Variants in EDIL3 observed in about 807,000 individuals in gnomAD.
The protein encoded by EDIL3 is EGF-like repeat and discoidin I-like domain-containing protein 3.
A neutral mutation model predicts 67.4 loss-of-function variants in EDIL3; 37 were observed. That is an observed-to-expected ratio of 0.55 (90% confidence interval 0.42 to 0.72). EDIL3 has a LOEUF of 0.72. Among genes scored for constraint, EDIL3 ranks in the 30% least tolerant of loss-of-function variants. EDIL3 has a pLI of 0.00. For synonymous variants in EDIL3, 195 were observed against 196.3 expected, an observed-to-expected ratio of 0.99 and a Z score of 0.05; for missense variants, 527 against 586.3, an observed-to-expected ratio of 0.90 and a Z score of 1.04.
chr5:84,165,217 C>T (rs1748683876), intron 4 of EDIL3, among the ~76,000 whole-genome samples: 1 of 152,052 alleles, frequency 6.6e-6, no homozygotes, highest in Admixed American at 6.6e-5. Context: ...ACTTTATAAT[C>T]TAATATGTAC....
intron 6 of EDIL3, among the ~76,000 whole-genome samples, chr5:84,078,025 A>G (rs1467332082): frequency 6.6e-6 from 1 of 152,220 alleles, no homozygotes; most frequent in Admixed American, 6.5e-5. Flanking sequence ...ATGGCAAAAC[A>G]AAAATATCAA....
At chr5:84,003,485 A>G (rs1745365806) in intron 9 of EDIL3, among the ~76,000 whole-genome samples, 3 of 152,174 alleles carry the variant, frequency 2.0e-5, no homozygotes, top group Non-Finnish European at 4.4e-5. Context: ...CATGGCTGCA[A>G]ATGCGAGGAA....
intron 4 of EDIL3, among the ~76,000 whole-genome samples, chr5:84,141,493 A>G (rs1323025409): frequency 1.4e-5 from 2 of 147,042 alleles, no homozygotes; most frequent in South Asian, 4.2e-4. Context: ...TCATAATTAT[A>G]TATATTATAT....
intron 3 of EDIL3, among the ~76,000 whole-genome samples, chr5:84,220,068 C>G (rs1280356925): frequency 6.6e-6 from 1 of 151,962 alleles, no homozygotes; most frequent in African/African-American, 2.4e-5. Context: ...TAACTGCAGT[C>G]AACAATAATT....
At chr5:84,270,384 T>C (rs896088879) in intron 1 of EDIL3, among the ~76,000 whole-genome samples, 1 of 152,204 alleles carries the variant, frequency 6.6e-6, no homozygotes, top group African/African-American at 2.4e-5. Context: ...ACATTGCAGA[T>C]GTGAAATATT....
intron 3 of EDIL3, among the ~76,000 whole-genome samples, chr5:84,198,010 G>A (rs1480216560): frequency 1.3e-5 from 2 of 152,050 alleles, no homozygotes; most frequent in Non-Finnish European, 2.9e-5. Context: ...GTAGGAGGTA[G>A]TGTAATAGGA....
intron 1 of EDIL3, among the ~76,000 whole-genome samples, chr5:84,334,773 T>C (rs1309799225): frequency 2.0e-5 from 3 of 152,154 alleles, no homozygotes; most frequent in Admixed American, 6.6e-5. Context: ...CCTAAAGTCA[T>C]ATCTTCTTTT....
chr5:84,346,132 T>TTC (rs1747234015), intron 1 of EDIL3, among the ~76,000 whole-genome samples: 3 of 134,448 alleles, frequency 2.2e-5, no homozygotes, highest in African/African-American at 8.1e-5. Context: ...AAACTTTTTT[T>TTC]TTCTTTTTTT....
intron 3 of EDIL3, among the ~76,000 whole-genome samples, chr5:84,218,944 A>G (rs748142542): frequency 2.0e-5 from 3 of 152,326 alleles, no homozygotes; most frequent in East Asian, 1.9e-4. Context: ...CCCTGAAGCA[A>G]ACGACACAAG....
chr5:84,245,172 T>C (rs1744884626), intron 2 of EDIL3, among the ~76,000 whole-genome samples: 1 of 152,218 alleles, frequency 6.6e-6, no homozygotes, highest in Non-Finnish European at 1.5e-5. Flanking sequence ...ATACGCCTAG[T>C]TCTAGTTTAC....
At chr5:84,218,788 G>A (rs1216178811) in intron 3 of EDIL3, among the ~76,000 whole-genome samples, 1 of 152,210 alleles carries the variant, frequency 6.6e-6, no homozygotes, top group South Asian at 2.1e-4. Flanking sequence ...TACTCACTGT[G>A]AGCCTGGGGC....
chr5:84,014,607 T>C (rs1361849075), intron 9 of EDIL3, among the ~76,000 whole-genome samples: 1 of 152,184 alleles, frequency 6.6e-6, no homozygotes, highest in Non-Finnish European at 1.5e-5. Flanking sequence ...ATCATGCCAC[T>C]GCACTCCAGC....
At chr5:83,970,663 A>G (rs1170314877) in intron 9 of EDIL3, among the ~76,000 whole-genome samples, 1 of 142,554 alleles carries the variant, frequency 7.0e-6, no homozygotes, top group Admixed American at 7.0e-5. Context: ...ATATATATAT[A>G]TATATATATA....
intron 2 of EDIL3, among the ~76,000 whole-genome samples, chr5:84,241,768 A>G (rs1282190393): frequency 1.3e-5 from 2 of 151,880 alleles, no homozygotes; most frequent in East Asian, 3.9e-4. Flanking sequence ...GACTAAAATG[A>G]TGAAAGAATA....
At chr5:84,086,670 A>G (rs978305202) in intron 6 of EDIL3, among the ~76,000 whole-genome samples, 1 of 152,144 alleles carries the variant, frequency 6.6e-6, no homozygotes, top group African/African-American at 2.4e-5. Context: ...GCACTATCAT[A>G]TTCTGCCTTG....
intron 6 of EDIL3, among the ~76,000 whole-genome samples, chr5:84,075,179 T>A (rs1746827297): frequency 6.7e-6 from 1 of 150,104 alleles, no homozygotes; most frequent in South Asian, 2.1e-4. Flanking sequence ...AATGGGAGCA[T>A]CACACTCTGG....
At chr5:83,977,031 A>G (rs1744887660) in intron 9 of EDIL3, among the ~76,000 whole-genome samples, 1 of 151,780 alleles carries the variant, frequency 6.6e-6, no homozygotes, top group Non-Finnish European at 1.5e-5. Flanking sequence ...GGCTTTTAAA[A>G]TCAGTGTGAG....
intron 3 of EDIL3, among the ~76,000 whole-genome samples, chr5:84,212,259 T>A (rs1205990567): frequency 6.6e-6 from 1 of 151,968 alleles, no homozygotes; most frequent in Non-Finnish European, 1.5e-5. Context: ...CCATAACAAG[T>A]GTCCTTCTAA....
chr5:84,281,442 G>C (rs571580180), intron 1 of EDIL3, among the ~76,000 whole-genome samples: 77 of 152,278 alleles, frequency 5.1e-4, no homozygotes, highest in African/African-American at 1.7e-3. Context: ...GTGCATTTTA[G>C]ATCTTGTTTA....
Sources: gnomAD v4.1 joint callset for allele counts (sites outside exome capture counted in the v4.1 genomes callset) on GRCh38, gnomAD v4.1.1 for gene constraint, MANE v1.5 for transcripts, NCBI Gene and HGNC (gene_info 2026-07-23, HGNC 2026-07-21) for gene names.